SUGCT: variants seen among roughly 807,000 people sequenced by gnomAD.
SUGCT encodes succinyl-CoA:glutarate-CoA transferase.
In SUGCT, 41 loss-of-function variants were observed where a neutral mutation model predicts 55.0. The observed-to-expected ratio is 0.74, with a 90% CI of 0.58 to 0.97. SUGCT has a LOEUF of 0.97. Among genes scored for constraint, SUGCT ranks in the 50% least tolerant of loss-of-function variants. The pLI, the probability that SUGCT is intolerant of heterozygous loss-of-function variation, is 0.00. For missense variants in SUGCT, 568 were observed against 547.8 expected, an observed-to-expected ratio of 1.04 and a Z score of -0.37; for synonymous variants, 187 against 200.4, an observed-to-expected ratio of 0.93 and a Z score of 0.56.
Position 40,152,027 on chromosome 7 carries a change from C to T in SUGCT, c.100+16907C>T, listed in dbSNP as rs80348529. On this transcript the variant is annotated intron_variant, in intron 1 of 13. Coordinates refer to ENST00000335693, the MANE Select transcript of SUGCT (RefSeq NM_001193313.2). ...GCCAGATTATTGGTCTGGGTGGCAC[C>T]AGCTGGTGCATCAGAACGCAGGGTC... is the stretch of plus-strand genomic sequence containing the variant. 3.9e-5 allele frequency among the ~76,000 whole-genome samples: 6 copies of T among 152,194 alleles called. No homozygotes were observed. In the East Asian group the frequency reaches 1.2e-3, roughly 29 times the overall value.
intron 7 of SUGCT, among the ~76,000 whole-genome samples, chr7:40,256,409 A>G (rs115314216): frequency 0.012 from 1,835 of 152,318 alleles, 36 homozygotes; most frequent in African/African-American, 0.042. Flanking sequence ...CAGGTCAGCT[A>G]CAGCTGATTT....
chr7:40,820,103 G>A (rs956642590), intron 13 of SUGCT, among the ~76,000 whole-genome samples: 1 of 152,116 alleles, frequency 6.6e-6, no homozygotes, highest in African/African-American at 2.4e-5. Context: ...GCTCTGTTCT[G>A]TTCTGTTCCA....
chr7:40,538,531 A>G (rs1794495370), intron 12 of SUGCT: 1 of 152,210 alleles, frequency 6.6e-6, no homozygotes. Context: ...TTGTAAAAGC[A>G]GGGCATTCTG....
chr7:40,482,220 A>G (rs10281324), intron 11 of SUGCT, among the ~76,000 whole-genome samples: 39,161 of 152,058 alleles, frequency 0.26, 6,640 homozygotes, highest in African/African-American at 0.48. Context: ...GTAACTTATG[A>G]TAGACCCTTA....
chr7:40,750,268 C>T (rs865782730), intron 13 of SUGCT, among the ~76,000 whole-genome samples: 2 of 152,180 alleles, frequency 1.3e-5, no homozygotes, highest in African/African-American at 2.4e-5. Flanking sequence ...TTCCAGGCAT[C>T]GCTGGAAAAT....
intron 1 of SUGCT, among the ~76,000 whole-genome samples, chr7:40,146,658 C>T (rs901357295): frequency 1.3e-5 from 2 of 152,204 alleles, no homozygotes; most frequent in Non-Finnish European, 2.9e-5. Flanking sequence ...ACGCCTTAAG[C>T]GGTTTTCCAC....
At chr7:40,321,589 G>A (rs566068145) in intron 9 of SUGCT, among the ~76,000 whole-genome samples, 2 of 151,542 alleles carry the variant, frequency 1.3e-5, no homozygotes, top group Admixed American at 6.6e-5. Context: ...CACCATGTTG[G>A]CCAGGCTGGT....
intron 1 of SUGCT, among the ~76,000 whole-genome samples, chr7:40,137,063 C>T (rs1190690801): frequency 6.6e-6 from 1 of 152,006 alleles, no homozygotes; most frequent in Admixed American, 6.6e-5. Flanking sequence ...CCTTTTAGAT[C>T]ATCAGCCAGT....
the SUGCT span, among the ~76,000 whole-genome samples, chr7:40,876,587 A>G: frequency 1.3e-5 from 2 of 152,228 alleles, no homozygotes; most frequent in Non-Finnish European, 2.9e-5. Context: ...CCCATGGCTT[A>G]GAAGTCTGTG....
At chr7:40,398,551 C>A (rs1193931648) in intron 9 of SUGCT, among the ~76,000 whole-genome samples, 1 of 142,126 alleles carries the variant, frequency 7.0e-6, no homozygotes, top group South Asian at 2.3e-4. Flanking sequence ...CTTGTTATAT[C>A]TCCCTAAATT....
At chr7:40,322,749 T>C (rs919187079) in intron 9 of SUGCT, among the ~76,000 whole-genome samples, 1 of 152,052 alleles carries the variant, frequency 6.6e-6, no homozygotes, top group African/African-American at 2.4e-5. Context: ...ACTCAGGAGT[T>C]TGAGACCAGC....
chr7:40,907,356 T>C, the SUGCT span, among the ~76,000 whole-genome samples: 1 of 152,156 alleles, frequency 6.6e-6, no homozygotes, highest in Non-Finnish European at 1.5e-5. Flanking sequence ...GTAATCTAGT[T>C]TTTACCTTCC....
chr7:40,145,225 A>T (rs554869608), intron 1 of SUGCT, among the ~76,000 whole-genome samples: 22 of 152,220 alleles, frequency 1.4e-4, no homozygotes, highest in Non-Finnish European at 2.6e-4. Context: ...CCTCATTATA[A>T]TCCTTTTACC....
At chr7:40,809,780 C>A (rs1385789507) in intron 13 of SUGCT, among the ~76,000 whole-genome samples, 2 of 152,110 alleles carry the variant, frequency 1.3e-5, no homozygotes, top group Non-Finnish European at 2.9e-5. Flanking sequence ...TTGTCAACCT[C>A]CCTACCCTCT....
At chr7:40,282,593 T>A (rs1793037675) in intron 8 of SUGCT, among the ~76,000 whole-genome samples, 1 of 151,728 alleles carries the variant, frequency 6.6e-6, no homozygotes, top group South Asian at 2.1e-4. Flanking sequence ...AAAATCAACT[T>A]AAAATGGATT....
At chr7:40,904,560 A>C in the SUGCT span, among the ~76,000 whole-genome samples, 32 of 152,178 alleles carry the variant, frequency 2.1e-4, no homozygotes, top group Non-Finnish European at 4.1e-4. Context: ...AGGAATGGGG[A>C]GTTGGTGTTT....
chr7:40,846,541 A>C (rs145852771), intron 13 of SUGCT, among the ~76,000 whole-genome samples: 75 of 152,306 alleles, frequency 4.9e-4, no homozygotes, highest in African/African-American at 1.7e-3. Flanking sequence ...GAAATGGATA[A>C]TCTACTATGA....
At chr7:40,494,835 A>G (rs1159159537) in intron 11 of SUGCT, among the ~76,000 whole-genome samples, 1 of 151,758 alleles carries the variant, frequency 6.6e-6, no homozygotes, top group Non-Finnish European at 1.5e-5. Flanking sequence ...TTTTCTTTTT[A>G]TTTCTCGTTT....
intron 9 of SUGCT, among the ~76,000 whole-genome samples, chr7:40,430,024 T>A (rs146654029): frequency 1.2e-3 from 184 of 152,302 alleles, no homozygotes; most frequent in Non-Finnish European, 2.1e-3. Context: ...TTTTAAAAGC[T>A]GAACAATATA....
Sources: allele counts gnomAD v4.1 joint callset (sites outside exome capture counted in the v4.1 genomes callset), GRCh38; gene constraint gnomAD v4.1.1; transcripts MANE v1.5; gene names NCBI Gene and HGNC (gene_info 2026-07-23, HGNC 2026-07-21).